LNX2: variants seen among roughly 807,000 people sequenced by gnomAD.
LNX2 encodes the protein ligand of numb-protein X 2, also known as ligand of Numb protein X 2.
In LNX2, 35 loss-of-function variants were observed where a neutral mutation model predicts 66.2. The observed-to-expected ratio is 0.53, with a 90% CI of 0.40 to 0.70. The LOEUF (loss-of-function observed/expected upper bound fraction) is 0.70. LNX2 is among the 30% of genes least tolerant of loss of function. LNX2 has a pLI of 0.00. For missense variants in LNX2, 791 were observed against 850.8 expected (o/e 0.93, Z 0.87); for synonymous variants, 337 against 315.6 (o/e 1.07, Z -0.72).
rs148935612 is a variant in LNX2, at chr13:27,553,294, G to A, written c.1692C>T (p.Asn564=). Residue 564 remains asparagine (N), a synonymous_variant, in exon 8 of 10, where the codon AAC becomes AAT. Coordinates refer to ENST00000316334, the MANE Select transcript of LNX2 (RefSeq NM_153371.4). The stretch of plus-strand genomic sequence containing the variant: ...TGAAAGTACTCGGCTGCTCCTCCGC[G>A]TTCTGAGTCGCCTCCTCAACAATCT... ...EVQIVEEATQ[N]AEEQPSTFSE... is the part of the protein sequence containing the mutation. The A allele has an allele frequency of 9.8e-5, 158 of 1,614,150 alleles. No homozygotes were observed. The African/African-American group carries it at 1.6e-3, about 17-fold the overall frequency.
At position 27,569,139 on chromosome 13, in the gene LNX2, C is replaced by G. The variant is rs1955244868; in HGVS notation, c.545G>C (p.Gly182Ala). ...CCGCTCCACAGGCACTGCGCCTGTC[C>G]CCAAACAGTCTGCTTCTGGAGATAA... ...GTLSPEADCL[G>A]TGAVPVERHL... Residue 182 changes from glycine (G) to alanine (A), a missense_variant, in exon 3 of 10, where the codon GGG (glycine) becomes GCG (alanine). Gly to Ala is a moderately conservative substitution (Grantham distance 60). Coordinates refer to ENST00000316334, the MANE Select transcript of LNX2 (RefSeq NM_153371.4). The G allele has an allele frequency of 3.7e-6, 6 of 1,612,570 alleles. No homozygotes were observed. Among genetic ancestry groups the G allele is most frequent in the Non-Finnish European group, 5.1e-6 (6 of 1,179,546 alleles).
chr13:27,583,759 G>A (rs1261355686), intron 1 of LNX2, among the ~76,000 whole-genome samples: 2 of 152,068 alleles, frequency 1.3e-5, no homozygotes, highest in Non-Finnish European at 2.9e-5. Flanking sequence ...GTTGAACATC[G>A]AGACAGAAGA....
chr13:27,583,225 T>TCCTCTCCTATATAA (rs1955431465), intron 1 of LNX2, among the ~76,000 whole-genome samples: 1 of 20,742 alleles, frequency 4.8e-5, no homozygotes, highest in African/African-American at 1.8e-4. Context: ...TGTGTGTGTG[T>TCCTCTCCTATATAA]GTGTGTGTGT....
chr13:27,593,985 C>T (rs1955571808), intron 1 of LNX2, among the ~76,000 whole-genome samples: 1 of 151,836 alleles, frequency 6.6e-6, no homozygotes, highest in South Asian at 2.1e-4. Context: ...ATACAAACCC[C>T]AAAAAAGTCA....
At chr13:27,617,873 T>C (rs1470806707) in intron 1 of LNX2, among the ~76,000 whole-genome samples, 1 of 152,164 alleles carries the variant, frequency 6.6e-6, no homozygotes, top group Non-Finnish European at 1.5e-5. Flanking sequence ...CCTTCTCATA[T>C]CCTCCAACAT....
chr13:27,555,681 T>TC (rs1420148293), intron 7 of LNX2, among the ~76,000 whole-genome samples: 24 of 152,288 alleles, frequency 1.6e-4, no homozygotes, highest in African/African-American at 5.5e-4. Context: ...TCAACTTCAT[T>TC]CCTGGAAAAA....
At chr13:27,586,097 C>T (rs1219177313) in intron 1 of LNX2, among the ~76,000 whole-genome samples, 1 of 145,002 alleles carries the variant, frequency 6.9e-6, no homozygotes, top group Non-Finnish European at 1.5e-5. Context: ...TATATAATAT[C>T]TAAGTTCAGA....
intron 2 of LNX2, 140 bp downstream of exon 2, chr13:27,581,157 T>C (rs868524087): frequency 1.8e-6 from 1 of 558,022 alleles, no homozygotes; most frequent in South Asian, 4.3e-5. Flanking sequence ...ATACAACTTA[T>C]TTATTGTATC....
At chr13:27,583,255 T>TGTGTGCGCGCGCGCGC (rs1555268514) in intron 1 of LNX2, among the ~76,000 whole-genome samples, 1 of 58,528 alleles carries the variant, frequency 1.7e-5, no homozygotes, top group East Asian at 7.2e-4. Context: ...TGTGTGTGTG[T>TGTGTGCGCGCGCGCGC]GCGCGCGTCC....
At chr13:27,561,311 C>T (rs1207714035) in intron 5 of LNX2, among the ~76,000 whole-genome samples, 1 of 152,152 alleles carries the variant, frequency 6.6e-6, no homozygotes, top group East Asian at 1.9e-4. Flanking sequence ...TCTGGCCTCT[C>T]ACTTGACTCT....
intron 1 of LNX2, among the ~76,000 whole-genome samples, chr13:27,587,527 G>A (rs1955500658): frequency 6.6e-6 from 1 of 152,160 alleles, no homozygotes; most frequent in Non-Finnish European, 1.5e-5. Flanking sequence ...CATATATGAG[G>A]AAATATTGTG....
At chr13:27,591,751 G>A (rs1208753427) in intron 1 of LNX2, among the ~76,000 whole-genome samples, 2 of 152,164 alleles carry the variant, frequency 1.3e-5, no homozygotes, top group Non-Finnish European at 2.9e-5. Flanking sequence ...CAACATATAA[G>A]AAGAAATGAA....
intron 2 of LNX2, among the ~76,000 whole-genome samples, chr13:27,580,803 A>C (rs1289666841): frequency 6.6e-6 from 1 of 152,170 alleles, no homozygotes; most frequent in African/African-American, 2.4e-5. Context: ...CACTGAGTTT[A>C]TGTGCATAGT....
intron 1 of LNX2, among the ~76,000 whole-genome samples, chr13:27,588,130 T>G (rs1044687653): frequency 4.0e-5 from 6 of 151,548 alleles, no homozygotes; most frequent in Non-Finnish European, 8.8e-5. Context: ...AAAAAATTCA[T>G]GCAACTACCA....
chr13:27,613,556 G>A (rs1293405223), intron 1 of LNX2, among the ~76,000 whole-genome samples: 3 of 152,136 alleles, frequency 2.0e-5, no homozygotes, highest in Admixed American at 1.3e-4. Flanking sequence ...CAAATCACCT[G>A]AGGTAAGGAG....
intron 4 of LNX2, among the ~76,000 whole-genome samples, chr13:27,566,167 GAA>G (rs557398849): frequency 4.1e-4 from 63 of 152,280 alleles, no homozygotes; most frequent in African/African-American, 1.5e-3. Flanking sequence ...GTGATGAAGA[GAA>G]AAGTGATGAA....
intron 1 of LNX2, among the ~76,000 whole-genome samples, chr13:27,588,994 G>GT (rs1176280564): frequency 6.6e-6 from 1 of 152,190 alleles, no homozygotes; most frequent in Non-Finnish European, 1.5e-5. Flanking sequence ...GCCAAAAAGA[G>GT]TGAGAAAGGC....
chr13:27,583,261 C>CGCGCGCGCGT lies in LNX2; in HGVS notation c.-100-1459_-100-1458insACGCGCGCGC, dbSNP rs11281345. ...GTGTGTGTGTGTGTGTGTGTGCGCGCGTCCTCTCCAACATACTTATTTTTA... is the reference window on the plus strand; with the variant it reads ...GTGTGTGTGTGTGTGTGTGTGCGCGCGCGCGCGCGTGTCCTCTCCAACATACTTATTTTTA... On this transcript the variant is annotated intron_variant, in intron 1 of 9. Coordinates refer to ENST00000316334, the MANE Select transcript of LNX2 (RefSeq NM_153371.4). Among the ~76,000 whole-genome samples the CGCGCGCGCGT allele has an allele frequency of 2.1e-3, 97 of 45,472 alleles. 19 individuals are homozygous for CGCGCGCGCGT. The highest frequency in any genetic ancestry group is 0.01 in the Middle Eastern group (1 of 96). 29.8% of individuals were successfully genotyped at this position (45,472 alleles called of 152,430 possible).
Position 27,562,614 on chromosome 13 carries a change from A to T in LNX2, c.1023T>A (p.Ala341=). The T allele has an allele frequency of 6.2e-7, 1 of 1,614,174 alleles. No homozygotes were observed. Among genetic ancestry groups the T allele is most frequent in the Non-Finnish European group, 8.5e-7 (1 of 1,180,026 alleles). ...NSPREEIFQV[A]LHKRDSGEQL... is the part of the protein sequence containing the mutation. ...GTTCACCAGAGTCCCGTTTATGAAG[A>T]GCCACTTGGAAAATCTCTTCTCGTG... The change falls in exon 5 of 10, where the codon GCT becomes GCA. Residue 341 remains alanine (A), a synonymous_variant. Coordinates refer to ENST00000316334, the MANE Select transcript of LNX2 (RefSeq NM_153371.4).
Sources: allele counts gnomAD v4.1 joint callset (sites outside exome capture counted in the v4.1 genomes callset), GRCh38; gene constraint gnomAD v4.1.1; transcripts MANE v1.5; gene names NCBI Gene and HGNC (gene_info 2026-07-23, HGNC 2026-07-21).